Variants in MLST8 observed in about 807,000 individuals in gnomAD.
MLST8 encodes target of rapamycin complex subunit LST8.
MLST8 carries 20 observed loss-of-function variants against 41.3 expected under a neutral mutation model. That is an observed-to-expected ratio of 0.48 (90% CI 0.34 to 0.70). The LOEUF (loss-of-function observed/expected upper bound fraction) is 0.70, where lower values mean the gene tolerates loss of function less well. Among genes scored for constraint, MLST8 ranks in the 30% least tolerant of loss-of-function variants. The pLI, the probability that MLST8 is intolerant of heterozygous loss-of-function variation, is 0.01. For synonymous variants in MLST8, 243 were observed against 183.0 expected, an observed-to-expected ratio of 1.33 and a Z score of -2.65; for missense variants, 422 against 454.3, an observed-to-expected ratio of 0.93 and a Z score of 0.65.
chr16:2,205,812 G>C (rs755925792), intron 1 of MLST8: 12 of 1,099,822 alleles, frequency 1.1e-5, no homozygotes, highest in African/African-American at 1.7e-5. Context: ...GTGGGGGGGG[G>C]ACGGCGCCCC....
rs1451606255 is a variant in MLST8, at chr16:2,208,592, G to A, written c.841G>A (p.Asp281Asn). 1.9e-6 allele frequency: 3 copies of A among 1,612,430 alleles called. No homozygotes were observed. The highest frequency in any genetic ancestry group is 2.5e-6 in the Non-Finnish European group (3 of 1,179,664). ...GWMWGCAFSG[D>N]SQYIVTASSD... ...GATGTGGGGCTGCGCCTTCTCGGGG[G>A]ACTCCCAGTACATCGTCACTGGTGA... is the stretch of plus-strand genomic sequence containing the variant. Residue 281 changes from aspartate to asparagine, a missense_variant, in exon 8 of 9, where the codon GAC (aspartate) becomes AAC (asparagine). Transcript: ENST00000569417.
Position 2,208,730 on chromosome 16 carries a change from T to C in MLST8, c.863-29T>C, listed in dbSNP as rs371390611. 37 of 1,613,590 alleles carry C rather than the reference T, an allele frequency of 2.3e-5. No homozygotes were observed. In the African/African-American group the frequency reaches 4.8e-4, roughly 21 times the overall value. On this transcript the variant is annotated intron_variant, in intron 8 of 8. Transcript: ENST00000569417. ...CCGCCTGCTTGGCCTGCACCTGCGC[T>C]CTTAGCCCTGCACAATCTCCCCCTC...
At chr16:2,206,960 T>C in intron 4 of MLST8, 75 bp from the exon 5 acceptor site, 1 of 1,565,350 alleles carries the variant, frequency 6.4e-7, no homozygotes, top group Non-Finnish European at 8.8e-7. Context: ...AGGGGAGGAA[T>C]GGCCAGGCCG....
rs1567276260 is a variant in MLST8 at position 2,207,170 on chromosome 16, GCCTCACCACC to G, written c.421-19_421-10del. ...CTTTGGAGGGCTGGGCTTGGGCCCTGCCTCACCACCCCTGCACCCCAGGCAGAGCTCATCG... is the reference window on the plus strand; with the variant it reads ...CTTTGGAGGGCTGGGCTTGGGCCCTGCCTGCACCCCAGGCAGAGCTCATCG... On this transcript the variant is annotated splice_polypyrimidine_tract_variant and intron_variant, in intron 5 of 8. Coordinates refer to ENST00000569417, the MANE Select transcript of MLST8 (RefSeq NM_022372.6). 1 of 1,613,254 alleles carries G rather than the reference GCCTCACCACC, an allele frequency of 6.2e-7. No homozygotes were observed. The highest frequency in any genetic ancestry group is 1.1e-5 in the South Asian group (1 of 91,066).
chr16:2,206,779 G>A (rs553589385), intron 4 of MLST8, 120 bp downstream of exon 4: 1 of 1,194,706 alleles, frequency 8.4e-7, no homozygotes, highest in African/African-American at 1.5e-5. Flanking sequence ...GCGACTTACT[G>A]AGAGAAGTGA....
rs779576664 is a variant in MLST8, at chr16:2,208,456, C to G, written c.705C>G (p.Leu235=). The change falls in exon 8 of 9, where the codon CTC becomes CTG. Residue 235 remains leucine (L), a synonymous_variant. Coordinates refer to ENST00000569417, the MANE Select transcript of MLST8 (RefSeq NM_022372.6). The part of the protein sequence containing the change: ...QCRFSPDSTL[L]ATCSADQTCK... The stretch of plus-strand genomic sequence containing the variant: ...CCCCATGCCCACCCACTAGGCTCCT[C>G]GCCACCTGCTCGGCTGATCAGACGT... 1.5e-5 allele frequency: 24 copies of G among 1,612,752 alleles called. No homozygotes were observed. In the South Asian group the frequency reaches 2.6e-4, roughly 18 times the overall value.
chr16:2,207,145 CT>C (rs780593582), intron 5 of MLST8, 35 bp downstream of exon 5: 3 of 1,613,382 alleles, frequency 1.9e-6, no homozygotes, highest in Non-Finnish European at 1.7e-6. Context: ...CACCCTGGGA[CT>C]TTGGAGGGCT....
chr16:2,205,834 TG>T, intron 1 of MLST8, 196 bp from the exon 2 acceptor site: 2 of 1,200,676 alleles, frequency 1.7e-6, no homozygotes, highest in Non-Finnish European at 2.1e-6. Flanking sequence ...GCCGTGTGCG[TG>T]GGGCGGGGAT....
In MLST8 at chr16:2,209,124, G is replaced by GTTTC; in HGVS notation, c.*247_*248insTTTC. On this transcript the variant is annotated 3_prime_UTR_variant, in exon 9 of 9. Coordinates refer to ENST00000569417, the MANE Select transcript of MLST8 (RefSeq NM_022372.6). ...GGACTGGGCTAGCCTGCACTGCCTG[G>GTTTC]GAAAGTCGGCCGAGGGCCCAAAGCT... 1.6e-6 allele frequency: 1 copy of GTTTC among 639,970 alleles called. No homozygotes were observed. Among genetic ancestry groups the GTTTC allele is most frequent in the East Asian group, 2.7e-5 (1 of 36,422 alleles). The allele number at this position is 639,970 out of a possible 1,614,324, so 39.6% of individuals were successfully genotyped here. A position where few individuals can be genotyped will look rare whatever the true frequency, so the allele number is the denominator to read the frequency against.
chr16:2,208,170 G>T lies in MLST8; in HGVS notation c.574-40G>T, dbSNP rs775938712. Reference sequence around the variant, plus strand: ...GCATCCTTCCCTGTGTCTCAGACCTGAGGCCTTGGGCCCTCCGTGACGGTC... The same window carrying T: ...GCATCCTTCCCTGTGTCTCAGACCTTAGGCCTTGGGCCCTCCGTGACGGTC... On this transcript the variant is annotated intron_variant, in intron 6 of 8. Coordinates refer to ENST00000569417, the MANE Select transcript of MLST8 (RefSeq NM_022372.6). The T allele has an allele frequency of 1.9e-6, 3 of 1,567,620 alleles. No individual in the cohort carries two copies. In the East Asian group the frequency reaches 6.8e-5, roughly 36 times the overall value.
chr16:2,208,007 C>T, intron 6 of MLST8: 1 of 514,948 alleles, frequency 1.9e-6, no homozygotes, highest in South Asian at 3.2e-5. Flanking sequence ...GCGTGGCCTC[C>T]TGTTCTTGGC....
At chr16:2,207,583 T>G (rs2093318283) in intron 6 of MLST8, 1 of 556,186 alleles carries the variant, frequency 1.8e-6, no homozygotes, top group Non-Finnish European at 3.2e-6. Flanking sequence ...TCCACTTCCC[T>G]CTTTTCACTC....
Position 2,207,318 on chromosome 16 carries a change from C to T in MLST8, c.546C>T (p.Ala182=), listed in dbSNP as rs768491210. ...CGTCCGCCCACATCGATCCCGACGC[C>T]AGCTACATGGCAGCTGTCAATAGCA... ...SITSAHIDPD[A]SYMAAVNSTG... The change falls in exon 6 of 9, where the codon GCC becomes GCT. Residue 182 remains alanine (A), a synonymous_variant. Coordinates refer to ENST00000569417, the MANE Select transcript of MLST8 (RefSeq NM_022372.6). The T allele has an allele frequency of 3.7e-6, 6 of 1,614,164 alleles. No homozygotes were observed. Among genetic ancestry groups the T allele is most frequent in the Admixed American group, 1.7e-5 (1 of 60,018 alleles).
chr16:2,205,740 G>C, intron 1 of MLST8: 1 of 1,014,026 alleles, frequency 9.9e-7, no homozygotes. Flanking sequence ...CCTTGCGCAC[G>C]CGCAGCCCGC....
At chr16:2,206,765 G>A (rs778411580) in intron 4 of MLST8, 106 bp downstream of exon 4, 4 of 1,329,400 alleles carry the variant, frequency 3.0e-6, no homozygotes, top group Admixed American at 1.8e-5. Flanking sequence ...GGAGCTTCCT[G>A]TGGGCGACTT....
chr16:2,207,052 G>A lies in MLST8; in HGVS notation c.362G>A (p.Cys121Tyr). The A allele has an allele frequency of 6.2e-7, 1 of 1,613,540 alleles. No homozygotes were observed. The highest frequency in any genetic ancestry group is 1.1e-5 in the South Asian group (1 of 91,080). ...GCCCGCAGGTCCCGGAACCTGCAGT[G>A]CCAGCGGATCTTCCAGGTGAACGCA... ...IWDLRSRNLQ[C>Y]QRIFQVNAPI... Residue 121 changes from cysteine to tyrosine, a missense_variant, in exon 5 of 9, where the codon TGC (cysteine) becomes TAC (tyrosine). Coordinates refer to ENST00000569417, the MANE Select transcript of MLST8 (RefSeq NM_022372.6).
intron 6 of MLST8, chr16:2,207,980 T>G: frequency 2.2e-6 from 1 of 451,308 alleles, no homozygotes; most frequent in East Asian, 3.7e-5. Context: ...GGAAGGAGAA[T>G]TTGAGTCCTT....
chr16:2,205,711 T>C, intron 1 of MLST8, 199 bp downstream of exon 1: 1 of 998,874 alleles, frequency 1.0e-6, no homozygotes, highest in South Asian at 4.5e-5. Flanking sequence ...GCGCTCGGCT[T>C]TCCCCGGCCC....
In MLST8 at chr16:2,209,440, C is replaced by T. The variant is rs761669699; in HGVS notation, c.*563C>T. The T allele has an allele frequency of 5.6e-6, 9 of 1,613,634 alleles. No individual in the cohort carries two copies. In the Admixed American group the frequency reaches 1.0e-4, roughly 18 times the overall value. ...AGATGTCGATGCAGAGATAAATCAGCCGCTGTCTCCGGGGCCCTGTGGCGA... is the reference window on the plus strand; with the variant it reads ...AGATGTCGATGCAGAGATAAATCAGTCGCTGTCTCCGGGGCCCTGTGGCGA... On this transcript the variant is annotated 3_prime_UTR_variant, in exon 9 of 9. Transcript: ENST00000569417.
Sources: allele counts gnomAD v4.1 joint callset, GRCh38; gene constraint gnomAD v4.1.1; transcripts MANE v1.5; gene names NCBI Gene and HGNC (gene_info 2026-07-23, HGNC 2026-07-21).